Variants in PPP1R13B observed in about 807,000 individuals in gnomAD.
PPP1R13B encodes the protein protein phosphatase 1 regulatory subunit 13B, also known as apoptosis-stimulating of p53 protein 1.
In PPP1R13B, 44 loss-of-function variants were observed where a neutral mutation model predicts 119.8. The observed-to-expected ratio is 0.37, with a 90% CI of 0.29 to 0.47. The LOEUF (loss-of-function observed/expected upper bound fraction) is 0.47. PPP1R13B is among the 20% of genes least tolerant of loss of function. The pLI is 0.99. For synonymous variants in PPP1R13B, 542 were observed against 561.5 expected (o/e 0.97, Z 0.49); for missense variants, 1,227 against 1,413.5 (o/e 0.87, Z 2.12).
At chr14:103,819,995 A>G (rs978841111) in intron 1 of PPP1R13B, among the ~76,000 whole-genome samples, 1 of 152,198 alleles carries the variant, frequency 6.6e-6, no homozygotes, top group Non-Finnish European at 1.5e-5. Flanking sequence ...ACTGGCTCCT[A>G]AGCCTGCACT....
chr14:103,803,519 T>G lies in PPP1R13B; in HGVS notation c.10-6001A>C, dbSNP rs551218166. On this transcript the variant is annotated intron_variant, in intron 1 of 16. Coordinates refer to ENST00000202556, the MANE Select transcript of PPP1R13B (RefSeq NM_015316.3). ...TTAGCCGGACATGGTGGTGGGCACC[T>G]GTAGTCCCAGCTACTCGGGAGGCTG... Among the ~76,000 whole-genome samples, 24 of 152,134 alleles carry G rather than the reference T, an allele frequency of 1.6e-4. 1 individual carries two copies. The highest frequency in any genetic ancestry group is 1.2e-3 in the South Asian group (6 of 4,802).
chr14:103,830,544 C>CA (rs1276759722), intron 1 of PPP1R13B, among the ~76,000 whole-genome samples: 1 of 152,188 alleles, frequency 6.6e-6, no homozygotes, highest in Non-Finnish European at 1.5e-5. Context: ...TAGGAAAAGA[C>CA]AGTGTTGAGA....
At chr14:103,803,366 G>A (rs543154545) in intron 1 of PPP1R13B, among the ~76,000 whole-genome samples, 18 of 152,254 alleles carry the variant, frequency 1.2e-4, no homozygotes, top group East Asian at 1.2e-3. Context: ...ATTTGGGGCC[G>A]GGTGCGGTGG....
intron 4 of PPP1R13B, chr14:103,762,896 C>G (rs2084843595): frequency 1.0e-6 from 1 of 961,848 alleles, no homozygotes; most frequent in Non-Finnish European, 1.6e-6. Flanking sequence ...GGAATCAGAG[C>G]AAATTTCCAT....
At chr14:103,840,482 C>T (rs886562620) in intron 1 of PPP1R13B, among the ~76,000 whole-genome samples, 1 of 152,134 alleles carries the variant, frequency 6.6e-6, no homozygotes, top group Non-Finnish European at 1.5e-5. Flanking sequence ...CCCTAAACTC[C>T]AGGTGGAAAA....
chr14:103,778,799 T>G lies in PPP1R13B; in HGVS notation c.300A>C (p.Gln100His), dbSNP rs1038795453. 5 of 1,614,064 alleles carry G rather than the reference T, an allele frequency of 3.1e-6. No individual in the cohort carries two copies. Among genetic ancestry groups the G allele is most frequent in the Non-Finnish European group, 4.2e-6 (5 of 1,179,964 alleles). Reference protein sequence around the residue: ...SEQGGRQTQEQRTQRNVINVP... With the variant: ...SEQGGRQTQEHRTQRNVINVP... ...CATTTATTACATTTCTCTGAGTTCGTTGCTCTTGGGTCTGACGGCCACCTA... is the reference window on the plus strand; with the variant it reads ...CATTTATTACATTTCTCTGAGTTCGGTGCTCTTGGGTCTGACGGCCACCTA... Residue 100 changes from glutamine to histidine, a missense_variant, in exon 4 of 17, where the codon CAA becomes CAC. Gln to His is a conservative substitution (Grantham distance 24). Transcript: ENST00000202556.
At chr14:103,743,253 C>T (rs376870021) in intron 9 of PPP1R13B, among the ~76,000 whole-genome samples, 1 of 152,240 alleles carries the variant, frequency 6.6e-6, no homozygotes, top group Non-Finnish European at 1.5e-5. Context: ...TATCTTTTGA[C>T]TTCATAATAG....
Position 103,769,512 on chromosome 14 carries a change from T to C in PPP1R13B, c.354+9233A>G, listed in dbSNP as rs2085015941. Among the ~76,000 whole-genome samples, 3 of 152,192 alleles carry C rather than the reference T, an allele frequency of 2.0e-5. No individual in the cohort carries two copies. In the South Asian group the frequency reaches 6.2e-4, roughly 31 times the overall value. On this transcript the variant is annotated intron_variant, in intron 4 of 16. Coordinates refer to ENST00000202556, the MANE Select transcript of PPP1R13B (RefSeq NM_015316.3). Reference sequence around the variant, plus strand: ...GCCTTGGCCTCTCAAAGTGCTGGGATCACAGGCGTGAGCCACAACACATAC... The same window carrying C: ...GCCTTGGCCTCTCAAAGTGCTGGGACCACAGGCGTGAGCCACAACACATAC...
chr14:103,843,015 C>A (rs1283082582), intron 1 of PPP1R13B, among the ~76,000 whole-genome samples: 1 of 152,010 alleles, frequency 6.6e-6, no homozygotes, highest in Non-Finnish European at 1.5e-5. Flanking sequence ...ACATTCCCCA[C>A]ATATATCTCA....
chr14:103,801,065 C>T (rs2085889386), intron 1 of PPP1R13B, among the ~76,000 whole-genome samples: 4 of 152,064 alleles, frequency 2.6e-5, no homozygotes, highest in Admixed American at 2.6e-4. Flanking sequence ...GATCAGGCTG[C>T]TCTCAAACTC....
At chr14:103,764,919 T>C (rs554819378) in intron 4 of PPP1R13B, among the ~76,000 whole-genome samples, 119 of 152,266 alleles carry the variant, frequency 7.8e-4, no homozygotes, top group African/African-American at 2.7e-3. Context: ...CCCGGGTTCA[T>C]GCCATTCTCC....
At chr14:103,803,655 A>T (rs1389409324) in intron 1 of PPP1R13B, among the ~76,000 whole-genome samples, 3 of 152,236 alleles carry the variant, frequency 2.0e-5, no homozygotes, top group African/African-American at 7.2e-5. Flanking sequence ...AAATAAATAA[A>T]TAAATAAATA....
chr14:103,799,811 C>T (rs1222579340), intron 1 of PPP1R13B, among the ~76,000 whole-genome samples: 3 of 151,758 alleles, frequency 2.0e-5, no homozygotes, highest in South Asian at 2.1e-4. Flanking sequence ...TTTGGGAGGC[C>T]AAGGTGGGTG....
In PPP1R13B at chr14:103,784,645, A is replaced by G. The variant is rs1043979186; in HGVS notation, c.277+150T>C. The G allele has an allele frequency of 1.4e-5, 8 of 578,630 alleles. No homozygotes were observed. In the Admixed American group the frequency reaches 2.7e-4, roughly 19 times the overall value. 35.8% of individuals were successfully genotyped at this position (578,630 alleles called of 1,614,324 possible). Reference sequence around the variant, plus strand: ...CGTAATGGTAAACAACACTAACAGAAGCCAAAGTAACATGGGATACCAACT... The same window carrying G: ...CGTAATGGTAAACAACACTAACAGAGGCCAAAGTAACATGGGATACCAACT... On this transcript the variant is annotated intron_variant, in intron 3 of 16. Transcript: ENST00000202556.
chr14:103,847,604 GC>G (rs1429131612), upstream of PPP1R13B: 2 of 986,106 alleles, frequency 2.0e-6, no homozygotes, highest in Admixed American at 6.2e-5. Context: ...TCGCTCTTCA[GC>G]CCCCGCAGGC....
Position 103,740,014 on chromosome 14 carries a change from G to C in PPP1R13B, c.2402C>G (p.Pro801Arg), listed in dbSNP as rs2084212933. 6.8e-6 allele frequency: 11 copies of C among 1,614,006 alleles called. No individual in the cohort carries two copies. The highest frequency in any genetic ancestry group is 1.3e-5 in the African/African-American group (1 of 74,944). The change falls in exon 12 of 17, where the codon CCA becomes CGA. Residue 801 changes from proline (P) to arginine (R), a missense_variant. Transcript: ENST00000202556. This position sits in a 1 kb window ranked among gnomAD's most constrained non-coding sequence, Gnocchi z 4.6. ...ANDNELPSPE[P>R]EELICPQTTH... The stretch of plus-strand genomic sequence containing the variant: ...GGTTTGGGGACAGATGAGCTCCTCT[G>C]GTTCGGGGGAAGGTAACTCATTATC...
chr14:103,735,216 G>A (rs772059069), intron 16 of PPP1R13B, 21 bp from the exon 17 acceptor site: 46 of 1,613,430 alleles, frequency 2.9e-5, no homozygotes, highest in Middle Eastern at 1.7e-4. Context: ...ACGGAGCCGC[G>A]TCAGGACAGG....
intron 1 of PPP1R13B, among the ~76,000 whole-genome samples, chr14:103,798,454 G>A (rs2085814693): frequency 6.6e-6 from 1 of 151,650 alleles, no homozygotes; most frequent in African/African-American, 2.4e-5. Flanking sequence ...ACCCGGCCAA[G>A]AATCTCTTAT....
intron 2 of PPP1R13B, among the ~76,000 whole-genome samples, chr14:103,790,780 G>A (rs528143733): frequency 2.0e-4 from 30 of 152,264 alleles, no homozygotes; most frequent in Admixed American, 1.8e-3. Context: ...CAAGGCAAGC[G>A]GATCACTTGA....
Sources: gnomAD v4.1 joint callset for allele counts (sites outside exome capture counted in the v4.1 genomes callset) on GRCh38, gnomAD v4.1.1 for gene constraint, Gnocchi (gnomAD v3.1) non-coding constraint, MANE v1.5 for transcripts, NCBI Gene and HGNC (gene_info 2026-07-23, HGNC 2026-07-21) for gene names.